The following SH3BP5 variants were observed in gnomAD, a reference collection of about 807,000 sequenced individuals.
SH3BP5 encodes SH3 domain binding protein 5.
A neutral mutation model predicts 43.3 loss-of-function variants in SH3BP5; 22 were observed. The ratio of observed to expected loss-of-function variants is 0.51; its 90% CI spans 0.36 to 0.73. SH3BP5 has a LOEUF of 0.73. Among genes scored for constraint, SH3BP5 ranks in the 30% least tolerant of loss-of-function variants. The pLI, the probability that SH3BP5 is intolerant of heterozygous loss-of-function variation, is 0.00. For synonymous variants in SH3BP5, 255 were observed against 225.8 expected, an observed-to-expected ratio of 1.13 and a Z score of -1.16; for missense variants, 529 against 586.9, an observed-to-expected ratio of 0.90 and a Z score of 1.02.
chr3:15,340,773 C>T (rs1214510648), intron 1 of SH3BP5, among the ~76,000 whole-genome samples: 2 of 151,126 alleles, frequency 1.3e-5, no homozygotes, highest in African/African-American at 4.9e-5. Flanking sequence ...AAAAATTAGG[C>T]CAGGTGCAGT....
intron 3 of SH3BP5, among the ~76,000 whole-genome samples, chr3:15,279,067 G>A (rs1206433091): frequency 6.6e-6 from 1 of 152,104 alleles, no homozygotes; most frequent in Non-Finnish European, 1.5e-5. Flanking sequence ...CTACTCAGGG[G>A]GCTGAGGCAG....
chr3:15,262,370 A>T, intron 4 of SH3BP5, 81 bp from the exon 5 acceptor site: 1 of 1,494,686 alleles, frequency 6.7e-7, no homozygotes, highest in Non-Finnish European at 9.0e-7. Context: ...TTTTTCAAAA[A>T]ATATTCTTTG....
In SH3BP5 at chr3:15,262,145, C is replaced by G. The variant is rs17040927; in HGVS notation, c.626+14G>C. The G allele has an allele frequency of 6.2e-3, 10,084 of 1,613,744 alleles. 506 individuals carry two copies. The African/African-American group carries it at 0.11, about 18-fold the overall frequency. ...CAGCCGCACGGCCCCAGGGAAGGCC[C>G]TGTCCAGACTTACTTGGACTTGTTG... On this transcript the variant is annotated intron_variant, in intron 5 of 8. Transcript: ENST00000383791.
intron 2 of SH3BP5, among the ~76,000 whole-genome samples, chr3:15,306,275 C>T (rs141705979): frequency 0.082 from 12,529 of 152,134 alleles, 747 homozygotes; most frequent in African/African-American, 0.17. Context: ...AGGAGAATGG[C>T]GTGAACCCGG....
At chr3:15,282,411 C>G (rs1235730535) in intron 3 of SH3BP5, among the ~76,000 whole-genome samples, 1 of 152,026 alleles carries the variant, frequency 6.6e-6, no homozygotes, top group African/African-American at 2.4e-5. Flanking sequence ...TGCAAATTTT[C>G]CATAATAAAA....
At chr3:15,285,524 T>C (rs1397595544) in intron 3 of SH3BP5, among the ~76,000 whole-genome samples, 3 of 152,206 alleles carry the variant, frequency 2.0e-5, no homozygotes, top group East Asian at 1.9e-4. Context: ...ACTTCTTTTG[T>C]CAGTTTGCCA....
chr3:15,329,322 C>T (rs1698542683), intron 2 of SH3BP5, among the ~76,000 whole-genome samples: 1 of 152,102 alleles, frequency 6.6e-6, no homozygotes, highest in Admixed American at 6.6e-5. Flanking sequence ...TTGTTTAATG[C>T]ATTAGAAATC....
intron 2 of SH3BP5, among the ~76,000 whole-genome samples, chr3:15,307,830 A>G (rs1367206004): frequency 6.6e-6 from 1 of 152,234 alleles, no homozygotes; most frequent in Non-Finnish European, 1.5e-5. Context: ...CACACCAGTG[A>G]GAAAACGGAG....
chr3:15,281,655 G>A (rs193288290), intron 3 of SH3BP5, among the ~76,000 whole-genome samples: 4 of 152,178 alleles, frequency 2.6e-5, no homozygotes, highest in Non-Finnish European at 5.9e-5. Context: ...GCACCATGTG[G>A]ACAAACAAGC....
rs143445909 is a variant in SH3BP5, at chr3:15,290,654, G to A, written c.330+13449C>T. Among the ~76,000 whole-genome samples the A allele has an allele frequency of 1.5e-3, 234 of 152,012 alleles. 7 individuals are homozygous for A. The East Asian group carries it at 0.042, about 27-fold the overall frequency. On this transcript the variant is annotated intron_variant, in intron 3 of 8. Transcript: ENST00000383791. ...GTGGAGCTTGCAGTGAACTGAGATC[G>A]TGCCACTGCGCTCCAGCCTGGGTGA...
chr3:15,262,065 C>T (rs1696463167), intron 5 of SH3BP5, 94 bp downstream of exon 5: 1 of 1,467,856 alleles, frequency 6.8e-7, no homozygotes, highest in Non-Finnish European at 9.4e-7. Flanking sequence ...AAGGACTACT[C>T]AGGGTGGTCC....
chr3:15,327,796 C>A (rs1698501399), intron 2 of SH3BP5, among the ~76,000 whole-genome samples: 1 of 152,230 alleles, frequency 6.6e-6, no homozygotes. Flanking sequence ...ACCTATTAAA[C>A]CTATGCCTCC....
chr3:15,327,599 G>A (rs1431679132), intron 2 of SH3BP5, among the ~76,000 whole-genome samples: 1 of 152,132 alleles, frequency 6.6e-6, no homozygotes, highest in Non-Finnish European at 1.5e-5. Context: ...ACTTCTTACT[G>A]TAGCTATTAC....
At chr3:15,267,128 T>G (rs1329267837) in intron 4 of SH3BP5, among the ~76,000 whole-genome samples, 1 of 152,244 alleles carries the variant, frequency 6.6e-6, no homozygotes, top group Non-Finnish European at 1.5e-5. Flanking sequence ...TCTAGCCCTT[T>G]GATCACACAG....
intron 1 of SH3BP5, among the ~76,000 whole-genome samples, chr3:15,331,193 TA>T (rs1361683291): frequency 6.6e-6 from 1 of 152,262 alleles, no homozygotes; most frequent in Non-Finnish European, 1.5e-5. Flanking sequence ...AGGATCTTGC[TA>T]ACATAATCCC....
intron 1 of SH3BP5, among the ~76,000 whole-genome samples, chr3:15,339,342 T>C (rs544589326): frequency 1.1e-4 from 17 of 152,270 alleles, no homozygotes; most frequent in African/African-American, 4.1e-4. Context: ...AGATTTTCAG[T>C]GTATATCTGT....
intron 3 of SH3BP5, among the ~76,000 whole-genome samples, chr3:15,272,241 T>C (rs1696822293): frequency 6.6e-6 from 1 of 152,158 alleles, no homozygotes; most frequent in East Asian, 1.9e-4. Flanking sequence ...GATTGTGTAC[T>C]GCATACCAGA....
intron 2 of SH3BP5, among the ~76,000 whole-genome samples, chr3:15,314,898 T>C (rs1698148834): frequency 1.3e-5 from 2 of 152,154 alleles, no homozygotes; most frequent in African/African-American, 4.8e-5. Context: ...CCAGACCTGC[T>C]ACTTCCTTCT....
chr3:15,272,584 CTGTAGGATAAAGA>C lies in SH3BP5; in HGVS notation c.331-2720_331-2708del, dbSNP rs1559432704. Among the ~76,000 whole-genome samples the C allele has an allele frequency of 1.4e-3, 150 of 109,776 alleles. 4 individuals are homozygous for C. In the East Asian group the frequency reaches 0.016, roughly 12 times the overall value. The allele number at this position is 109,776 out of a possible 152,430, so 72.0% of individuals were successfully genotyped here. ...ATAAAGACATTACAAAACAGAGTGC[CTGTAGGATAAAGA>C]CATTACAAAACAGAGTGCCCGTAGG... On this transcript the variant is annotated intron_variant, in intron 3 of 8. Coordinates refer to ENST00000383791, the MANE Select transcript of SH3BP5 (RefSeq NM_004844.5).
Sources: allele counts gnomAD v4.1 joint callset (sites outside exome capture counted in the v4.1 genomes callset), GRCh38; gene constraint gnomAD v4.1.1; transcripts MANE v1.5; gene names NCBI Gene and HGNC (gene_info 2026-07-23, HGNC 2026-07-21).